MIPEP: variants seen among roughly 807,000 people sequenced by gnomAD.
MIPEP encodes the protein mitochondrial intermediate peptidase.
MIPEP carries 79 observed loss-of-function variants against 90.3 expected under a neutral mutation model. That is an observed-to-expected ratio of 0.87 (90% CI 0.73 to 1.05). The LOEUF (loss-of-function observed/expected upper bound fraction) is 1.05. Among genes scored for constraint, MIPEP ranks in the 50% least tolerant of loss-of-function variants. MIPEP has a pLI of 0.00. For missense variants in MIPEP, 940 were observed against 905.6 expected (o/e 1.04, Z -0.49); for synonymous variants, 334 against 315.8 (o/e 1.06, Z -0.61).
At chr13:23,766,687 A>G (rs1952594119) in intron 16 of MIPEP, among the ~76,000 whole-genome samples, 1 of 152,234 alleles carries the variant, frequency 6.6e-6, no homozygotes, top group African/African-American at 2.4e-5. Flanking sequence ...AACCCATGAA[A>G]TAACAGTGCC....
chr13:23,863,402 T>G (rs543481497), intron 8 of MIPEP, among the ~76,000 whole-genome samples: 1 of 152,296 alleles, frequency 6.6e-6, no homozygotes, highest in African/African-American at 2.4e-5. Flanking sequence ...ATGGTACAAG[T>G]GGAAAATTCC....
At chr13:23,745,442 TAA>T (rs775942106) in intron 18 of MIPEP, among the ~76,000 whole-genome samples, 1 of 152,224 alleles carries the variant, frequency 6.6e-6, no homozygotes, top group Non-Finnish European at 1.5e-5. Flanking sequence ...CAACATTTCA[TAA>T]AAGAGTTGGC....
chr13:23,797,804 A>G (rs1023731509), intron 16 of MIPEP, among the ~76,000 whole-genome samples: 4 of 152,228 alleles, frequency 2.6e-5, no homozygotes, highest in African/African-American at 9.6e-5. Flanking sequence ...TAGCCTCGGT[A>G]TTAGTTGTAT....
At position 23,870,134 on chromosome 13, in the gene MIPEP, C is replaced by T. The variant is rs766241689; in HGVS notation, c.665G>A (p.Gly222Glu). The T allele has an allele frequency of 6.2e-7, 1 of 1,612,106 alleles. No individual in the cohort carries two copies. Among genetic ancestry groups the T allele is most frequent in the Non-Finnish European group, 8.5e-7 (1 of 1,179,032 alleles). Reference sequence around the variant, plus strand: ...CTCAATCTTGTTGGGAAAATTGGTTCCCATAAGAAATGTACTACTCAAATC... The same window carrying T: ...CTCAATCTTGTTGGGAAAATTGGTTTCCATAAGAAATGTACTACTCAAATC... Reference protein sequence around the residue: ...ILDLSSTFLMGTNFPNKIEKH... With the variant: ...ILDLSSTFLMETNFPNKIEKH... Residue 222 changes from glycine (G) to glutamate (E), a missense_variant, in exon 6 of 19, where the codon GGA becomes GAA. Physicochemically the swap from Gly to Glu is moderately conservative, Grantham distance 98 (BLOSUM62 -2). Coordinates refer to ENST00000382172, the MANE Select transcript of MIPEP (RefSeq NM_005932.4).
At chr13:23,771,908 C>T (rs1593144722) in intron 16 of MIPEP, among the ~76,000 whole-genome samples, 1 of 152,210 alleles carries the variant, frequency 6.6e-6, no homozygotes, top group African/African-American at 2.4e-5. Context: ...ATTAACTTTC[C>T]TTTACATTGC....
intron 18 of MIPEP, among the ~76,000 whole-genome samples, chr13:23,730,875 G>T (rs764886250): frequency 1.2e-4 from 19 of 152,020 alleles, no homozygotes; most frequent in African/African-American, 3.1e-4. Context: ...TTCTTTTATA[G>T]AAATCTTATA....
intron 14 of MIPEP, among the ~76,000 whole-genome samples, chr13:23,834,416 T>A (rs535827742): frequency 6.6e-6 from 1 of 152,150 alleles, no homozygotes; most frequent in Non-Finnish European, 1.5e-5. Context: ...TCCCCTCTCC[T>A]GGGCTTTGCC....
intron 14 of MIPEP, among the ~76,000 whole-genome samples, chr13:23,814,049 T>C (rs1458952203): frequency 6.6e-6 from 1 of 152,250 alleles, no homozygotes; most frequent in African/African-American, 2.4e-5. Context: ...ATGTTCATTA[T>C]ATTGAATTTG....
intron 18 of MIPEP, among the ~76,000 whole-genome samples, chr13:23,740,476 G>T (rs756394520): frequency 1.1e-4 from 16 of 151,716 alleles, no homozygotes; most frequent in South Asian, 2.1e-4. Flanking sequence ...GCCAGAGTTG[G>T]TTCTATTTCT....
rs537691787 is a variant in MIPEP, at chr13:23,776,652, T to C, written c.1849-16435A>G. 1.3e-3 allele frequency among the ~76,000 whole-genome samples: 203 copies of C among 152,314 alleles called. 1 individual carries two copies. The highest frequency in any genetic ancestry group is 3.5e-3 in the South Asian group (17 of 4,810). On this transcript the variant is annotated intron_variant, in intron 16 of 18. Transcript: ENST00000382172. ...TGTGGTTTTAGTGTTCTAAATAATT[T>C]AGTTCTAAAACATCTCTATCGGAAA...
At chr13:23,820,745 T>C (rs1354651801) in intron 14 of MIPEP, among the ~76,000 whole-genome samples, 3 of 152,182 alleles carry the variant, frequency 2.0e-5, no homozygotes, top group Non-Finnish European at 4.4e-5. Flanking sequence ...GTCCTGCCGC[T>C]CTGGTGCCTG....
chr13:23,762,558 G>A (rs1331062952), intron 16 of MIPEP, among the ~76,000 whole-genome samples: 2 of 152,152 alleles, frequency 1.3e-5, no homozygotes, highest in Admixed American at 6.5e-5. Context: ...CTCCACATCC[G>A]TTCTCCTCTT....
chr13:23,842,562 G>A (rs1869346086), intron 10 of MIPEP: 1 of 152,156 alleles, frequency 6.6e-6, no homozygotes, highest in Admixed American at 6.5e-5. Context: ...CAGCAAACCT[G>A]CGGGGTGCTG....
intron 16 of MIPEP, among the ~76,000 whole-genome samples, chr13:23,790,560 C>T (rs1238504730): frequency 6.9e-6 from 1 of 144,472 alleles, no homozygotes; most frequent in Non-Finnish European, 1.5e-5. Context: ...CACAAGGGTC[C>T]TTATAAAAGA....
intron 16 of MIPEP, among the ~76,000 whole-genome samples, chr13:23,767,652 C>G (rs996607466): frequency 6.6e-6 from 1 of 152,092 alleles, no homozygotes; most frequent in Non-Finnish European, 1.5e-5. Flanking sequence ...CGGGGTTTCA[C>G]TATGTTGGCC....
chr13:23,857,171 T>C (rs1431357297), intron 10 of MIPEP, among the ~76,000 whole-genome samples: 1 of 152,166 alleles, frequency 6.6e-6, no homozygotes, highest in Non-Finnish European at 1.5e-5. Context: ...AGAGACATTT[T>C]ATTTTTTAAT....
In MIPEP at chr13:23,837,653, G is replaced by T; in HGVS notation, c.1442C>A (p.Ser481Tyr). 1 of 1,613,648 alleles carries T rather than the reference G, an allele frequency of 6.2e-7. No individual in the cohort carries two copies. The highest frequency in any genetic ancestry group is 1.1e-5 in the South Asian group (1 of 91,072). The change falls in exon 13 of 19, where the codon TCT becomes TAT. Residue 481 changes from serine (S) to tyrosine (Y), a missense_variant. Ser to Tyr is a moderately radical substitution (Grantham distance 144). Coordinates refer to ENST00000382172, the MANE Select transcript of MIPEP (RefSeq NM_005932.4). ...MLNLPRSSRS[S>Y]PTLLTPSMME... ...CATGCTAGGAGTTAGCAAAGTTGGA[G>T]AACTCCTTGAGGAACGGGGAAGATT... is the stretch of plus-strand genomic sequence containing the variant.
intron 5 of MIPEP, among the ~76,000 whole-genome samples, chr13:23,871,355 TGGA>T (rs1022046304): frequency 2.6e-5 from 4 of 152,176 alleles, no homozygotes; most frequent in African/African-American, 7.2e-5. Context: ...TTAGGCTGAC[TGGA>T]GGAGAAGGGC....
At chr13:23,734,807 C>A (rs1323900835) in intron 18 of MIPEP, among the ~76,000 whole-genome samples, 2 of 152,050 alleles carry the variant, frequency 1.3e-5, no homozygotes, top group African/African-American at 2.4e-5. Context: ...GGCATCTCCA[C>A]AGGGGGGAAT....
Sources: allele counts gnomAD v4.1 joint callset (sites outside exome capture counted in the v4.1 genomes callset), GRCh38; gene constraint gnomAD v4.1.1; transcripts MANE v1.5; gene names NCBI Gene and HGNC (gene_info 2026-07-23, HGNC 2026-07-21).